MRE11: variants seen among roughly 807,000 people sequenced by gnomAD.
The protein encoded by MRE11 is MRE11 double strand break repair nuclease, also known as double-strand break repair protein MRE11.
A neutral mutation model predicts 91.7 loss-of-function variants in MRE11; 62 were observed. The ratio of observed to expected loss-of-function variants is 0.68; its 90% CI spans 0.55 to 0.84. The LOEUF is 0.84. MRE11 is among the 40% of genes least tolerant of loss of function. The pLI, the probability that MRE11 is intolerant of heterozygous loss-of-function variation, is 0.00. For synonymous variants in MRE11, 273 were observed against 271.4 expected (o/e 1.01, Z -0.06); for missense variants, 796 against 852.9 (o/e 0.93, Z 0.83).
chr11:94,432,131 G>T (rs1168353610), intron 18 of MRE11, among the ~76,000 whole-genome samples: 1 of 152,136 alleles, frequency 6.6e-6, no homozygotes, highest in Non-Finnish European at 1.5e-5. Context: ...TCTGAGTTAG[G>T]TTTCTATCAG....
intron 16 of MRE11, among the ~76,000 whole-genome samples, chr11:94,441,198 T>C (rs1945770682): frequency 6.6e-6 from 1 of 152,224 alleles, no homozygotes; most frequent in African/African-American, 2.4e-5. Flanking sequence ...CCTGTATTTC[T>C]TCCCCTAAGT....
chr11:94,448,780 C>T lies in MRE11; in HGVS notation c.1564-1342G>A, dbSNP rs199741211. ...ACTGCACTCCAGCCTGGCAACAGAGCGAGACCCTGTCACCAAAAAATAAAA... is the reference window on the plus strand; with the variant it reads ...ACTGCACTCCAGCCTGGCAACAGAGTGAGACCCTGTCACCAAAAAATAAAA... On this transcript the variant is annotated intron_variant, in intron 14 of 19. Coordinates refer to ENST00000323929, the MANE Select transcript of MRE11 (RefSeq NM_005591.4). Among the ~76,000 whole-genome samples the T allele has an allele frequency of 1.5e-4, 23 of 152,144 alleles. No homozygotes were observed. The East Asian group carries it at 3.9e-3, about 26-fold the overall frequency.
At chr11:94,464,393 T>C (rs975504157) in intron 10 of MRE11, among the ~76,000 whole-genome samples, 154 bp from the exon 11 acceptor site, 34 of 152,238 alleles carry the variant, frequency 2.2e-4, no homozygotes, top group African/African-American at 8.2e-4. Flanking sequence ...AGCTATATCA[T>C]TTATCCTACT....
chr11:94,486,110 A>G, intron 3 of MRE11, 26 bp from the exon 4 acceptor site: 1 of 1,612,598 alleles, frequency 6.2e-7, no homozygotes, highest in Non-Finnish European at 8.5e-7. Flanking sequence ...AGGTGTTAAA[A>G]TTAGTATGTT....
At chr11:94,497,014 G>T (rs747725317), upstream of MRE11, 35 of 1,600,712 alleles carry the variant, frequency 2.2e-5, no homozygotes, top group Non-Finnish European at 2.8e-5. Context: ...CAAGCCAGAA[G>T]ACCTGCCTTT....
chr11:94,472,342 A>C (rs1218939845), intron 7 of MRE11, among the ~76,000 whole-genome samples: 2 of 152,122 alleles, frequency 1.3e-5, no homozygotes, highest in African/African-American at 2.4e-5. Flanking sequence ...AGAAGACAAG[A>C]AGGAATAGTT....
chr11:94,438,558 TC>T (rs1945689024), intron 16 of MRE11, among the ~76,000 whole-genome samples: 1 of 152,224 alleles, frequency 6.6e-6, no homozygotes, highest in Non-Finnish European at 1.5e-5. Flanking sequence ...ATATTTCTGT[TC>T]AGTATTTATT....
At chr11:94,512,390 C>T in the MRE11 span, 4 of 876,990 alleles carry the variant, frequency 4.6e-6, no homozygotes, top group Non-Finnish European at 6.0e-6. Context: ...GCGCGGAATA[C>T]CTAGGGCCTC....
the MRE11 span, among the ~76,000 whole-genome samples, chr11:94,510,480 C>T: frequency 6.6e-6 from 1 of 152,052 alleles, no homozygotes; most frequent in African/African-American, 2.4e-5. Context: ...ACTTTTTTCC[C>T]ACTGCTTCTT....
At chr11:94,499,320 T>C in the MRE11 span, 2 of 152,636 alleles carry the variant, frequency 1.3e-5, no homozygotes, top group Non-Finnish European at 1.5e-5. Context: ...TTTACCTGCC[T>C]AATCCTACTG....
At chr11:94,478,702 A>G (rs1277268640) in intron 6 of MRE11, 33 bp downstream of exon 6, 3 of 1,609,924 alleles carry the variant, frequency 1.9e-6, no homozygotes, top group Non-Finnish European at 2.5e-6. Flanking sequence ...AGAATCACAC[A>G]TGGACATAAA....
At chr11:94,437,437 C>T (rs1023586283) in intron 16 of MRE11, among the ~76,000 whole-genome samples, 3 of 152,158 alleles carry the variant, frequency 2.0e-5, no homozygotes, top group African/African-American at 4.8e-5. Flanking sequence ...CTGTCAGTCT[C>T]ATTATTTCCC....
chr11:94,451,035 T>TAATCCCC (rs1946089144), intron 14 of MRE11, among the ~76,000 whole-genome samples: 3 of 151,764 alleles, frequency 2.0e-5, no homozygotes, highest in Non-Finnish European at 4.4e-5. Flanking sequence ...AGCTCACATC[T>TAATCCCC]ATACTTTGGG....
At chr11:94,446,159 G>A (rs1945923935) in intron 15 of MRE11, among the ~76,000 whole-genome samples, 1 of 152,198 alleles carries the variant, frequency 6.6e-6, no homozygotes, top group African/African-American at 2.4e-5. Context: ...TGTAATCCCA[G>A]CACTTTGGGA....
In MRE11 at chr11:94,478,892, T is replaced by A. The variant is rs1366443176; in HGVS notation, c.403-16A>T. 4.3e-6 allele frequency: 7 copies of A among 1,612,774 alleles called. No homozygotes were observed. Among genetic ancestry groups the A allele is most frequent in the Non-Finnish European group, 5.9e-6 (7 of 1,179,422 alleles). ...GTGCATCTGCCTATGCAAAATAATT[T>A]CAAAGAATGTTAGTGTGTATGTAAA... On this transcript the variant is annotated splice_polypyrimidine_tract_variant and intron_variant, in intron 5 of 19. Coordinates refer to ENST00000323929, the MANE Select transcript of MRE11 (RefSeq NM_005591.4).
intron 14 of MRE11, among the ~76,000 whole-genome samples, chr11:94,448,169 GCT>G (rs1453865807): frequency 2.0e-5 from 3 of 152,004 alleles, no homozygotes; most frequent in Non-Finnish European, 4.4e-5. Context: ...ATTTTAGGGT[GCT>G]TTTGTTTTTT....
At chr11:94,433,584 T>C (rs1945521814) in intron 18 of MRE11, among the ~76,000 whole-genome samples, 1 of 152,208 alleles carries the variant, frequency 6.6e-6, no homozygotes, top group African/African-American at 2.4e-5. Context: ...TGGGAGATAA[T>C]TGAATCACGG....
At chr11:94,460,367 CG>C (rs1314339004) in intron 12 of MRE11, among the ~76,000 whole-genome samples, 12 of 152,148 alleles carry the variant, frequency 7.9e-5, no homozygotes, top group African/African-American at 2.7e-4. Context: ...ATACTTATGA[CG>C]TAAGTTTCAG....
chr11:94,468,273 T>C (rs904517060), intron 9 of MRE11, among the ~76,000 whole-genome samples: 22 of 152,322 alleles, frequency 1.4e-4, no homozygotes, highest in Middle Eastern at 3.4e-3. Context: ...GCAAGGACTT[T>C]AGATTATTTA....
Sources: allele counts gnomAD v4.1 joint callset (sites outside exome capture counted in the v4.1 genomes callset), GRCh38; gene constraint gnomAD v4.1.1; transcripts MANE v1.5; gene names NCBI Gene and HGNC (gene_info 2026-07-23, HGNC 2026-07-21).